Variants in ABI3BP observed in about 807,000 individuals in gnomAD.
ABI3BP encodes target of Nesh-SH3.
ABI3BP carries 216 observed loss-of-function variants against 268.6 expected under a neutral mutation model. The ratio of observed to expected loss-of-function variants is 0.80; its 90% CI spans 0.72 to 0.90. The LOEUF (loss-of-function observed/expected upper bound fraction) is 0.90, where lower values mean the gene tolerates loss of function less well. Ranked by LOEUF, ABI3BP falls within the 40% of genes least tolerant of loss-of-function variation. The pLI, the probability that ABI3BP is intolerant of heterozygous loss-of-function variation, is 0.00. For synonymous variants in ABI3BP, 730 were observed against 730.0 expected, an observed-to-expected ratio of 1.00 and a Z score of 0.00; for missense variants, 2,090 against 2,182.4, an observed-to-expected ratio of 0.96 and a Z score of 0.84.
intron 1 of ABI3BP, among the ~76,000 whole-genome samples, chr3:100,957,774 C>T (rs766961945): frequency 8.5e-5 from 13 of 152,150 alleles, no homozygotes; most frequent in South Asian, 8.3e-4. Context: ...ACCCTGGTTC[C>T]GCCTGCTCAC....
At chr3:100,853,746 G>T (rs2098897880) in intron 14 of ABI3BP, among the ~76,000 whole-genome samples, 1 of 152,164 alleles carries the variant, frequency 6.6e-6, no homozygotes, top group African/African-American at 2.4e-5. Context: ...ATTCCCATAA[G>T]GCATTCGCTG....
At chr3:100,818,651 C>G in intron 40 of ABI3BP, 70 bp from the exon 41 acceptor site, 2 of 1,210,474 alleles carry the variant, frequency 1.7e-6, no homozygotes, top group Non-Finnish European at 2.3e-6. Context: ...AATACTGCTT[C>G]AATCAGTATA....
At chr3:100,752,351 T>A (rs1251980554) in intron 66 of ABI3BP, among the ~76,000 whole-genome samples, 1 of 152,184 alleles carries the variant, frequency 6.6e-6, no homozygotes, top group African/African-American at 2.4e-5. Flanking sequence ...TCATTAAAAA[T>A]TTTTACTCTG....
chr3:100,864,724 T>C (rs995658503), intron 11 of ABI3BP, 109 bp downstream of exon 11: 1 of 740,196 alleles, frequency 1.4e-6, no homozygotes, highest in African/African-American at 1.8e-5. Context: ...AAGGAGAAAG[T>C]GGGGAGGGAG....
chr3:100,925,023 A>T (rs1344744647), intron 2 of ABI3BP, among the ~76,000 whole-genome samples: 1 of 152,174 alleles, frequency 6.6e-6, no homozygotes, highest in Non-Finnish European at 1.5e-5. Flanking sequence ...TTTTGTGGTC[A>T]AGGTTAGTGT....
At position 100,894,965 on chromosome 3, in the gene ABI3BP, A is replaced by AAAAAC. The variant is rs760156604; in HGVS notation, c.461+3796_461+3797insGTTTT. Among the ~76,000 whole-genome samples the AAAAAC allele has an allele frequency of 2.4e-3, 291 of 120,842 alleles. 16 individuals carry two copies. Among genetic ancestry groups the AAAAAC allele is most frequent in the Non-Finnish European group, 4.7e-3 (241 of 51,360 alleles). 79.3% of individuals were successfully genotyped at this position (120,842 alleles called of 152,430 possible). A position where few individuals can be genotyped will look rare whatever the true frequency, so the allele number is the denominator to read the frequency against. ...AAAAAAAAAAAAAAAAAAAAAAAAA[A>AAAAAC]AACAGAAAAAAAAAACACAAGATGA... On this transcript the variant is annotated intron_variant, in intron 4 of 67. Transcript: ENST00000471714.
chr3:100,978,521 A>T (rs1307679248), intron 1 of ABI3BP, among the ~76,000 whole-genome samples: 1 of 152,210 alleles, frequency 6.6e-6, no homozygotes, highest in Non-Finnish European at 1.5e-5. Context: ...AGTTTTAGAC[A>T]TTACTCACCA....
At position 100,900,211 on chromosome 3, in the gene ABI3BP, G is replaced by T. The variant is rs138921734; in HGVS notation, c.329-1317C>A. ...ACCCAGCTGTAATTGTGCCTTATAT[G>T]ATGGTGATTTAAATTGTCATGTATG... On this transcript the variant is annotated intron_variant, in intron 3 of 67. Transcript: ENST00000471714. Among the ~76,000 whole-genome samples, 645 of 152,316 alleles carry T rather than the reference G, an allele frequency of 4.2e-3. 4 individuals carry two copies. Among genetic ancestry groups the T allele is most frequent in the African/African-American group, 0.014 (598 of 41,556 alleles).
chr3:100,907,711 C>T (rs1046695375), intron 2 of ABI3BP, among the ~76,000 whole-genome samples: 5 of 151,870 alleles, frequency 3.3e-5, no homozygotes, highest in African/African-American at 7.3e-5. Context: ...TCATAAATAT[C>T]GATGCAAAAA....
chr3:100,978,143 A>T (rs960809477), intron 1 of ABI3BP, among the ~76,000 whole-genome samples: 7 of 152,192 alleles, frequency 4.6e-5, no homozygotes, highest in African/African-American at 1.7e-4. Flanking sequence ...GAGCTTAAGA[A>T]AAGAAGCTCT....
chr3:100,941,700 T>C (rs1241197154), intron 1 of ABI3BP, among the ~76,000 whole-genome samples: 1 of 152,128 alleles, frequency 6.6e-6, no homozygotes, highest in Non-Finnish European at 1.5e-5. Flanking sequence ...TCAGCACCAA[T>C]TGGCAAGGCT....
At chr3:100,947,241 G>T (rs996270155) in intron 1 of ABI3BP, among the ~76,000 whole-genome samples, 3 of 151,988 alleles carry the variant, frequency 2.0e-5, no homozygotes, top group Non-Finnish European at 4.4e-5. Flanking sequence ...GCTTTACTAG[G>T]TGAGAAAAAG....
At chr3:100,766,417 ACTT>A (rs1205573139) in intron 62 of ABI3BP, among the ~76,000 whole-genome samples, 1 of 152,174 alleles carries the variant, frequency 6.6e-6, no homozygotes, top group East Asian at 1.9e-4. Context: ...GCTGCAGAAA[ACTT>A]CTTTCAGTTG....
intron 51 of ABI3BP, among the ~76,000 whole-genome samples, chr3:100,798,131 T>C (rs1345433285): frequency 1.3e-5 from 2 of 152,154 alleles, no homozygotes; most frequent in Non-Finnish European, 2.9e-5. Context: ...TGAGAAGAGA[T>C]GTGGTACTAA....
chr3:100,957,111 G>T (rs1304448907), intron 1 of ABI3BP, among the ~76,000 whole-genome samples: 1 of 152,156 alleles, frequency 6.6e-6, no homozygotes, highest in Non-Finnish European at 1.5e-5. Flanking sequence ...CAAAAACAGG[G>T]AAACTATTTA....
intron 62 of ABI3BP, among the ~76,000 whole-genome samples, chr3:100,768,848 C>T (rs781623782): frequency 8.5e-5 from 13 of 152,204 alleles, no homozygotes; most frequent in African/African-American, 1.9e-4. Context: ...TAACTAACAA[C>T]TTGAAGTTGC....
intron 41 of ABI3BP, among the ~76,000 whole-genome samples, chr3:100,818,232 A>T (rs2098114921): frequency 6.6e-6 from 1 of 152,236 alleles, no homozygotes; most frequent in South Asian, 2.1e-4. Context: ...AGGGATAGAG[A>T]TTCGTGCTTG....
intron 42 of ABI3BP, 39 bp from the exon 43 acceptor site, chr3:100,816,807 C>A (rs560489703): frequency 8.1e-6 from 12 of 1,486,894 alleles, no homozygotes; most frequent in Non-Finnish European, 1.1e-5. Context: ...GTGCAGGTGG[C>A]TTTGGAGACA....
chr3:100,988,540 T>G (rs1209717064), intron 1 of ABI3BP, among the ~76,000 whole-genome samples: 1 of 152,180 alleles, frequency 6.6e-6, no homozygotes, highest in African/African-American at 2.4e-5. Context: ...TGTCTCAACT[T>G]GTGTTTGTAC....
Sources: gnomAD v4.1 joint callset for allele counts (sites outside exome capture counted in the v4.1 genomes callset) on GRCh38, gnomAD v4.1.1 for gene constraint, MANE v1.5 for transcripts, NCBI Gene and HGNC (gene_info 2026-07-23, HGNC 2026-07-21) for gene names.